The following ITGAM variants were observed in gnomAD, a reference collection of about 807,000 sequenced individuals.
The protein encoded by ITGAM is integrin alpha-M.
ITGAM carries 79 observed loss-of-function variants against 137.5 expected under a neutral mutation model. The observed-to-expected ratio is 0.57, with a 90% confidence interval of 0.48 to 0.69. The LOEUF (loss-of-function observed/expected upper bound fraction) is 0.69. Ranked by LOEUF, ITGAM falls within the 30% of genes least tolerant of loss-of-function variation. The pLI, the probability that ITGAM is intolerant of heterozygous loss-of-function variation, is 0.00. For synonymous variants in ITGAM, 583 were observed against 592.3 expected, an observed-to-expected ratio of 0.98 and a Z score of 0.23; for missense variants, 1,343 against 1,483.5, an observed-to-expected ratio of 0.91 and a Z score of 1.56.
chr16:31,299,267 C>T (rs2080170438), intron 14 of ITGAM, among the ~76,000 whole-genome samples: 1 of 152,116 alleles, frequency 6.6e-6, no homozygotes, highest in Non-Finnish European at 1.5e-5. Flanking sequence ...TAGCCTCTGG[C>T]AGCCACCATT....
At chr16:31,270,137 GCTTTCCTTTCCTTTCCTTTC>G (rs796696322) in intron 5 of ITGAM, among the ~76,000 whole-genome samples, 12 of 88,386 alleles carry the variant, frequency 1.4e-4, no homozygotes, top group African/African-American at 4.3e-4. Flanking sequence ...TTCCTCCTTT[GCTTTCCTTTCCTTTCCTTTC>G]CTTTCCTTTC....
intron 14 of ITGAM, among the ~76,000 whole-genome samples, chr16:31,317,680 AT>A (rs1424499788): frequency 6.6e-6 from 1 of 152,112 alleles, no homozygotes; most frequent in Non-Finnish European, 1.5e-5. Flanking sequence ...AGATCATGTT[AT>A]TTTTATTCCT....
At chr16:31,288,733 G>T (rs1229986152) in intron 12 of ITGAM, among the ~76,000 whole-genome samples, 1 of 152,148 alleles carries the variant, frequency 6.6e-6, no homozygotes, top group Non-Finnish European at 1.5e-5. Context: ...AAAAGCAATG[G>T]CAACAAAAGC....
chr16:31,324,381 G>A lies in ITGAM; in HGVS notation c.2003-18G>A, dbSNP rs1405232183. ...CGAGGCTCAGGCCCCTCACTGCTGT[G>A]CCACCCTGTCCCTTCAGGACAGATC... On this transcript the variant is annotated intron_variant, in intron 16 of 29. Coordinates refer to ENST00000544665, the MANE Select transcript of ITGAM (RefSeq NM_000632.4). The surrounding 1 kb of genome is among the most constrained non-coding windows in gnomAD (Gnocchi z 4.5). The A allele has an allele frequency of 6.4e-7, 1 of 1,550,874 alleles. No homozygotes were observed. The highest frequency in any genetic ancestry group is 8.7e-7 in the Non-Finnish European group (1 of 1,146,500).
intron 12 of ITGAM, among the ~76,000 whole-genome samples, chr16:31,292,452 T>G (rs1173207327): frequency 3.3e-5 from 5 of 152,100 alleles, no homozygotes; most frequent in African/African-American, 7.2e-5. Flanking sequence ...GTCTGTTGTT[T>G]CCTTCTTTGT....
chr16:31,324,148 A>G lies in ITGAM; in HGVS notation c.2003-251A>G, dbSNP rs192648498. On this transcript the variant is annotated intron_variant, in intron 16 of 29. Coordinates refer to ENST00000544665, the MANE Select transcript of ITGAM (RefSeq NM_000632.4). This position sits in a 1 kb window ranked among gnomAD's most constrained non-coding sequence, Gnocchi z 4.5. ...AAGGAAGGAAAGGAAGGAAAGTAGGAAAGGAAGGAAAGGAAGAAAAGGAAG... is the reference window on the plus strand; with the variant it reads ...AAGGAAGGAAAGGAAGGAAAGTAGGGAAGGAAGGAAAGGAAGAAAAGGAAG... Among the ~76,000 whole-genome samples, 713 of 149,458 alleles carry G rather than the reference A, an allele frequency of 4.8e-3. 4 individuals carry two copies. The highest frequency in any genetic ancestry group is 8.2e-3 in the Non-Finnish European group (550 of 66,960).
chr16:31,319,315 A>C (rs1184584030), intron 14 of ITGAM, among the ~76,000 whole-genome samples: 2 of 150,910 alleles, frequency 1.3e-5, no homozygotes, highest in African/African-American at 2.4e-5. Flanking sequence ...ATTGCTGTCT[A>C]TTTCTCCCTT....
At chr16:31,311,175 A>G (rs577586849) in intron 14 of ITGAM, among the ~76,000 whole-genome samples, 401 of 152,362 alleles carry the variant, frequency 2.6e-3, no homozygotes, top group Non-Finnish European at 4.1e-3. Context: ...TAAAACCATA[A>G]AAACCCTAGA....
Position 31,330,066 on chromosome 16 carries a change from C to CCCCTTCTCA in ITGAM, c.2977-15_2977-14insCCCTTCTCA, listed in dbSNP as rs770482937. 1.3e-5 allele frequency: 21 copies of CCCCTTCTCA among 1,611,426 alleles called. No individual in the cohort carries two copies. In the African/African-American group the frequency reaches 2.7e-4, roughly 20 times the overall value. On this transcript the variant is annotated splice_polypyrimidine_tract_variant and intron_variant, in intron 25 of 29. Coordinates refer to ENST00000544665, the MANE Select transcript of ITGAM (RefSeq NM_000632.4). ...CCTTCATCTCTGCCCCTTCTCAGTG[C>CCCCTTCTCA]GTCTCTTTCCTCAGAACCTCTCGAG...
Position 31,324,782 on chromosome 16 carries a change from G to A in ITGAM, c.2289G>A (p.Leu763=). Residue 763 remains leucine (L), a splice_region_variant and synonymous_variant, in exon 18 of 30, where the codon TTG becomes TTA. Coordinates refer to ENST00000544665, the MANE Select transcript of ITGAM (RefSeq NM_000632.4). This position sits in a 1 kb window ranked among gnomAD's most constrained non-coding sequence, Gnocchi z 4.5. The part of the protein sequence containing the change: ...AEDAQRLFTA[L]FPFEKNCGND... ...ATGCTCAGAGACTCTTCACAGCCTT[G>A]GTGAGTCCAGAGTTGGGGTCCTGCA... The A allele has an allele frequency of 6.4e-7, 1 of 1,556,440 alleles. No individual in the cohort carries two copies. The highest frequency in any genetic ancestry group is 1.4e-5 in the African/African-American group (1 of 72,922).
chr16:31,304,984 T>A (rs2080251285), intron 14 of ITGAM, among the ~76,000 whole-genome samples: 2 of 152,110 alleles, frequency 1.3e-5, no homozygotes, highest in Non-Finnish European at 2.9e-5. Context: ...ATTGTTTTAT[T>A]CTAGTTATGT....
At chr16:31,301,270 T>C (rs1055918138) in intron 14 of ITGAM, among the ~76,000 whole-genome samples, 4 of 152,244 alleles carry the variant, frequency 2.6e-5, no homozygotes, top group African/African-American at 4.8e-5. Context: ...TCAAGTTGCA[T>C]TCTCCTGCAT....
chr16:31,330,911 C>T (rs1018713807), intron 28 of ITGAM, among the ~76,000 whole-genome samples: 9 of 141,476 alleles, frequency 6.4e-5, no homozygotes, highest in Non-Finnish European at 1.2e-4. Flanking sequence ...AGATACAGAG[C>T]GCGACAGAGA....
chr16:31,273,548 T>G (rs776571670), intron 8 of ITGAM, 30 bp downstream of exon 8: 1 of 1,609,866 alleles, frequency 6.2e-7, no homozygotes, highest in Admixed American at 1.7e-5. Context: ...GGTTGATGCT[T>G]CTGTGGAGGG....
At chr16:31,311,377 C>T (rs1018268701) in intron 14 of ITGAM, among the ~76,000 whole-genome samples, 3 of 152,090 alleles carry the variant, frequency 2.0e-5, no homozygotes, top group Non-Finnish European at 2.9e-5. Flanking sequence ...ATTTTTGCAA[C>T]CTACTCATCT....
At chr16:31,279,407 C>T (rs2079944151) in intron 12 of ITGAM, among the ~76,000 whole-genome samples, 1 of 152,126 alleles carries the variant, frequency 6.6e-6, no homozygotes, top group Admixed American at 6.6e-5. Flanking sequence ...GTGTTGTTTC[C>T]TGACTTTTTA....
intron 14 of ITGAM, among the ~76,000 whole-genome samples, chr16:31,320,578 A>G (rs2080438485): frequency 6.6e-6 from 1 of 152,174 alleles, no homozygotes; most frequent in Non-Finnish European, 1.5e-5. Context: ...TCTTGAGGGA[A>G]CCACTTTCAG....
At chr16:31,331,533 G>T (rs556141530) in intron 29 of ITGAM, 103 bp from the exon 30 acceptor site, 1 of 656,282 alleles carries the variant, frequency 1.5e-6, no homozygotes, top group Non-Finnish European at 2.7e-6. Flanking sequence ...CGCCCTCCTG[G>T]GTCCCTTCTG....
At chr16:31,269,190 G>A (rs1281466105) in intron 5 of ITGAM, among the ~76,000 whole-genome samples, 1 of 152,146 alleles carries the variant, frequency 6.6e-6, no homozygotes, top group Non-Finnish European at 1.5e-5. Flanking sequence ...AGCAAGATCG[G>A]ATGAACCAGT....
Sources: gnomAD v4.1 joint callset for allele counts (sites outside exome capture counted in the v4.1 genomes callset) on GRCh38, gnomAD v4.1.1 for gene constraint, Gnocchi (gnomAD v3.1) non-coding constraint, MANE v1.5 for transcripts, NCBI Gene and HGNC (gene_info 2026-07-23, HGNC 2026-07-21) for gene names.